Variants in BNC2 observed in about 807,000 individuals in gnomAD.
BNC2 encodes basonuclin zinc finger protein 2, also known as zinc finger protein basonuclin-2.
Under a neutral mutation model 76.3 loss-of-function variants are expected in BNC2, and 20 were observed. The ratio of observed to expected loss-of-function variants is 0.26; its 90% confidence interval spans 0.18 to 0.38. The LOEUF (loss-of-function observed/expected upper bound fraction) is 0.38. BNC2 is among the 10% of genes least tolerant of loss of function. BNC2 has a pLI of 1.00. For synonymous variants in BNC2, 582 were observed against 514.8 expected, an observed-to-expected ratio of 1.13 and a Z score of -1.77; for missense variants, 1,382 against 1,399.8, an observed-to-expected ratio of 0.99 and a Z score of 0.20.
intron 1 of BNC2, among the ~76,000 whole-genome samples, chr9:16,856,752 C>A (rs1022880410): frequency 2.6e-5 from 4 of 152,140 alleles, no homozygotes; most frequent in Admixed American, 6.5e-5. Flanking sequence ...AGTATGTTTT[C>A]TTTTAAATCA....
At chr9:16,828,127 T>C (rs575608224) in intron 1 of BNC2, among the ~76,000 whole-genome samples, 4 of 152,244 alleles carry the variant, frequency 2.6e-5, no homozygotes, top group South Asian at 4.1e-4. Context: ...AGGAAAAAAA[T>C]TGACAGACAT....
At chr9:16,614,606 G>C (rs1233008627) in intron 3 of BNC2, among the ~76,000 whole-genome samples, 1 of 151,928 alleles carries the variant, frequency 6.6e-6, no homozygotes, top group African/African-American at 2.4e-5. Context: ...CTGGGGTATT[G>C]TTCCCTTTTA....
intron 5 of BNC2, among the ~76,000 whole-genome samples, chr9:16,545,935 C>A (rs1818468980): frequency 6.6e-6 from 1 of 152,216 alleles, no homozygotes; most frequent in Admixed American, 6.5e-5. Flanking sequence ...CACCACTAGA[C>A]TAGGCTTGCA....
intron 3 of BNC2, among the ~76,000 whole-genome samples, chr9:16,588,723 C>G (rs574646345): frequency 6.7e-4 from 102 of 152,146 alleles, no homozygotes; most frequent in African/African-American, 2.4e-3. Context: ...GGATGCATTC[C>G]AAAGCTCTAA....
intron 1 of BNC2, among the ~76,000 whole-genome samples, chr9:16,751,289 AT>A (rs1825186102): frequency 6.6e-6 from 1 of 151,358 alleles, no homozygotes; most frequent in Non-Finnish European, 1.5e-5. Context: ...ACCCTAGTAT[AT>A]TGTGAGCACT....
chr9:16,420,130 T>A (rs1489316382), intron 6 of BNC2, among the ~76,000 whole-genome samples: 1 of 152,130 alleles, frequency 6.6e-6, no homozygotes, highest in Non-Finnish European at 1.5e-5. Flanking sequence ...TTTTGAGGTA[T>A]AGAAAAAATT....
chr9:16,730,446 C>CT lies in BNC2; in HGVS notation c.130-2450dup, dbSNP rs539700233. 8.5e-4 allele frequency among the ~76,000 whole-genome samples: 130 copies of CT among 152,278 alleles called. 1 individual carries two copies. Among genetic ancestry groups the CT allele is most frequent in the Admixed American group, 4.8e-3 (73 of 15,286 alleles). On this transcript the variant is annotated intron_variant, in intron 2 of 6. Transcript: ENST00000380672. ...GTGAACAATCTGTAACAGAATTAGC[C>CT]TTTTTTCCCCCTAAACTGCACAGCT... is the stretch of plus-strand genomic sequence containing the variant.
At chr9:16,810,893 A>AT (rs985617985) in intron 1 of BNC2, among the ~76,000 whole-genome samples, 1 of 151,912 alleles carries the variant, frequency 6.6e-6, no homozygotes, top group Non-Finnish European at 1.5e-5. Flanking sequence ...ATCTCCCCAA[A>AT]TTTTTTTTAA....
chr9:16,758,326 G>A (rs2383006), intron 1 of BNC2, among the ~76,000 whole-genome samples: 141,664 of 151,908 alleles, frequency 0.93, 66,148 homozygotes, highest in East Asian at 0.99. Context: ...CATTAGCCGC[G>A]TTTGCAAAGT....
At chr9:16,831,773 T>C (rs1389110413) in intron 1 of BNC2, among the ~76,000 whole-genome samples, 1 of 152,206 alleles carries the variant, frequency 6.6e-6, no homozygotes, top group African/African-American at 2.4e-5. Context: ...GGGTTATGGT[T>C]CCTCAAGCCA....
chr9:16,665,625 C>A (rs535775990), intron 3 of BNC2, among the ~76,000 whole-genome samples: 3 of 152,224 alleles, frequency 2.0e-5, no homozygotes, highest in South Asian at 2.1e-4. Flanking sequence ...TAATATTTGA[C>A]TAGCATCATG....
intron 4 of BNC2, among the ~76,000 whole-genome samples, chr9:16,577,301 A>C (rs191670680): frequency 2.6e-4 from 40 of 152,226 alleles, no homozygotes; most frequent in Non-Finnish European, 2.1e-4. Flanking sequence ...AGACATATCA[A>C]GTACAAGCTG....
intron 2 of BNC2, among the ~76,000 whole-genome samples, chr9:16,735,329 C>T (rs1363843486): frequency 6.6e-6 from 1 of 150,698 alleles, no homozygotes; most frequent in Non-Finnish European, 1.5e-5. Context: ...TATACCAAAC[C>T]TATATTCAAT....
intron 3 of BNC2, among the ~76,000 whole-genome samples, chr9:16,649,290 C>G (rs1473563498): frequency 6.6e-6 from 1 of 152,150 alleles, no homozygotes; most frequent in Admixed American, 6.6e-5. Context: ...TGGTCTGCAG[C>G]TGACCAATTC....
intron 5 of BNC2, among the ~76,000 whole-genome samples, chr9:16,499,390 T>C (rs1308401532): frequency 6.6e-6 from 1 of 152,142 alleles, no homozygotes; most frequent in African/African-American, 2.4e-5. Flanking sequence ...ATTAATTATA[T>C]TACTAGAAAA....
intron 5 of BNC2, among the ~76,000 whole-genome samples, chr9:16,519,889 C>G (rs998440691): frequency 1.3e-5 from 2 of 152,066 alleles, no homozygotes; most frequent in South Asian, 2.1e-4. Flanking sequence ...GAGTTATGTT[C>G]CAGTGGAGGA....
intron 3 of BNC2, among the ~76,000 whole-genome samples, chr9:16,678,021 A>G (rs1375682405): frequency 2.0e-5 from 3 of 152,110 alleles, no homozygotes; most frequent in Admixed American, 6.6e-5. Context: ...GTGACGGTAG[A>G]GGATGAGAAT....
intron 1 of BNC2, among the ~76,000 whole-genome samples, chr9:16,769,765 T>A (rs1056738305): frequency 6.6e-6 from 1 of 152,160 alleles, no homozygotes. Context: ...TGGCACACAA[T>A]AAGCACTGGA....
intron 1 of BNC2, among the ~76,000 whole-genome samples, chr9:16,799,829 T>C (rs1817739262): frequency 6.6e-6 from 1 of 152,180 alleles, no homozygotes; most frequent in Admixed American, 6.5e-5. Flanking sequence ...GATTTTGTTT[T>C]TTCAGAACTT....
Sources: allele counts gnomAD v4.1 joint callset (sites outside exome capture counted in the v4.1 genomes callset), GRCh38; gene constraint gnomAD v4.1.1; transcripts MANE v1.5; gene names NCBI Gene and HGNC (gene_info 2026-07-23, HGNC 2026-07-21).